PTPN11: variants seen among roughly 807,000 people sequenced by gnomAD.
PTPN11 encodes the protein protein tyrosine phosphatase non-receptor type 11, also known as tyrosine-protein phosphatase non-receptor type 11.
PTPN11 carries 6 observed loss-of-function variants against 78.8 expected under a neutral mutation model. The ratio of observed to expected loss-of-function variants is 0.08; its 90% confidence interval spans 0.04 to 0.15. PTPN11 has a LOEUF of 0.15. Among genes scored for constraint, PTPN11 ranks in the 10% least tolerant of loss-of-function variants. The pLI is 1.00. For synonymous variants in PTPN11, 221 were observed against 263.5 expected, an observed-to-expected ratio of 0.84 and a Z score of 1.56; for missense variants, 386 against 744.8, an observed-to-expected ratio of 0.52 and a Z score of 5.61.
At position 112,497,793 on chromosome 12, in the gene PTPN11, G is replaced by A. The variant is rs7957501; in HGVS notation, c.1600-4351G>A. On this transcript the variant is annotated intron_variant, in intron 13 of 15. Coordinates refer to ENST00000351677, the MANE Select transcript of PTPN11 (RefSeq NM_002834.5). ...GGCCTTGTAGGCCATATTACAGATT[G>A]TAGACTTTATTTGGAGGGACATGGA... Among the ~76,000 whole-genome samples, 402 of 152,252 alleles carry A rather than the reference G, an allele frequency of 2.6e-3. 5 individuals are homozygous for A. The highest frequency in any genetic ancestry group is 9.0e-3 in the African/African-American group (374 of 41,530).
At chr12:112,454,417 G>A (rs1176117122) in intron 4 of PTPN11, 147 bp from the exon 5 acceptor site, 5 of 724,654 alleles carry the variant, frequency 6.9e-6, no homozygotes, top group Middle Eastern at 3.7e-4. Flanking sequence ...ACTGCACCCA[G>A]CCTATTATCT....
chr12:112,489,856 G>A (rs755847046), intron 13 of PTPN11, among the ~76,000 whole-genome samples: 25 of 152,098 alleles, frequency 1.6e-4, no homozygotes, highest in African/African-American at 2.2e-4. Flanking sequence ...TACTCTGCTC[G>A]TTGCCTTCCA....
chr12:112,457,679 G>A (rs2038184477), intron 6 of PTPN11, among the ~76,000 whole-genome samples: 2 of 152,188 alleles, frequency 1.3e-5, no homozygotes, highest in African/African-American at 4.8e-5. Flanking sequence ...TCCAGCATCT[G>A]TTGTTTCCTG....
intron 6 of PTPN11, among the ~76,000 whole-genome samples, chr12:112,469,857 G>A (rs943597980): frequency 2.6e-5 from 4 of 151,912 alleles, no homozygotes; most frequent in African/African-American, 7.2e-5. Context: ...AGGAGAAAAA[G>A]AGGAGTTCAG....
chr12:112,421,150 C>T (rs1233296177), intron 1 of PTPN11, among the ~76,000 whole-genome samples: 1 of 152,080 alleles, frequency 6.6e-6, no homozygotes, highest in African/African-American at 2.4e-5. Context: ...TATGCACCAC[C>T]CAAAAAGCCG....
intron 7 of PTPN11, among the ~76,000 whole-genome samples, chr12:112,474,339 G>C (rs1384890590): frequency 1.3e-5 from 2 of 152,074 alleles, no homozygotes; most frequent in Non-Finnish European, 2.9e-5. Flanking sequence ...CTCCAGGCTG[G>C]GCGACAGAGT....
intron 2 of PTPN11, 118 bp downstream of exon 2, chr12:112,446,516 G>C (rs1186412694): frequency 1.4e-6 from 2 of 1,467,502 alleles, no homozygotes; most frequent in African/African-American, 1.4e-5. Flanking sequence ...CTGAGCCCTG[G>C]GCTGCCTTCA....
rs1381707337 is a variant in PTPN11 at position 112,502,203 on chromosome 12, G to C, written c.1659G>C (p.Thr553=). 1 of 1,613,840 alleles carries C rather than the reference G, an allele frequency of 6.2e-7. No homozygotes were observed. Among genetic ancestry groups the C allele is most frequent in the African/African-American group, 1.3e-5 (1 of 74,898 alleles). Residue 553 remains threonine, a synonymous_variant, in exon 14 of 16, where the codon ACG becomes ACC. Transcript: ENST00000351677. ...TTAAGTATTCTCTAGCGGACCAGAC[G>C]AGTGGAGATCAGAGCCCTCTCCCGC... ...TNIKYSLADQ[T]SGDQSPLPPC... is the part of the protein sequence containing the mutation.
intron 1 of PTPN11, among the ~76,000 whole-genome samples, chr12:112,431,429 C>A (rs2037710391): frequency 6.6e-6 from 1 of 152,168 alleles, no homozygotes; most frequent in Admixed American, 6.6e-5. Flanking sequence ...GTGTCCTTCA[C>A]CCTCATGGAA....
intron 1 of PTPN11, among the ~76,000 whole-genome samples, chr12:112,440,027 G>A (rs757560662): frequency 1.3e-5 from 2 of 152,076 alleles, no homozygotes; most frequent in Non-Finnish European, 2.9e-5. Flanking sequence ...GAGGCCTAAT[G>A]TAAGAGTTTC....
intron 13 of PTPN11, among the ~76,000 whole-genome samples, chr12:112,499,951 A>G (rs1321534495): frequency 7.0e-5 from 10 of 143,864 alleles, no homozygotes; most frequent in African/African-American, 2.3e-4. Context: ...CTTAAAAAAA[A>G]AAAAAAAAAA....
intron 6 of PTPN11, among the ~76,000 whole-genome samples, chr12:112,466,652 G>A (rs543875150): frequency 6.6e-6 from 1 of 152,124 alleles, no homozygotes; most frequent in Non-Finnish European, 1.5e-5. Context: ...GCCCCCAGCC[G>A]TATCTTTGTC....
intron 13 of PTPN11, among the ~76,000 whole-genome samples, chr12:112,495,879 T>C (rs1233179935): frequency 6.6e-6 from 1 of 152,100 alleles, no homozygotes. Flanking sequence ...TTTTGCACCA[T>C]CATAAAATCA....
chr12:112,482,202 A>G lies in PTPN11; in HGVS notation c.1221A>G (p.Gly407=), dbSNP rs532529560. The G allele has an allele frequency of 9.1e-5, 147 of 1,613,208 alleles. No homozygotes were observed. In the South Asian group the frequency reaches 1.6e-3, roughly 17 times the overall value. The part of the protein sequence containing the change: ...TLRELKLSKV[G]QGNTERTVWQ... ...GAGAACTTAAACTTTCAAAGGTTGG[A>G]CAAGTAAGTATATTGTCGTATTCTA... Residue 407 remains glycine (G), a synonymous_variant, in exon 10 of 16, where the codon GGA becomes GGG. Transcript: ENST00000351677. This position sits in a 1 kb window ranked among gnomAD's most constrained non-coding sequence, Gnocchi z 4.4.
rs752061370 is a variant in PTPN11 at position 112,492,548 on chromosome 12, C to T, written c.1599+3373C>T. Among the ~76,000 whole-genome samples, 127 of 150,396 alleles carry T rather than the reference C, an allele frequency of 8.4e-4. 1 individual carries two copies. The highest frequency in any genetic ancestry group is 1.2e-3 in the Non-Finnish European group (83 of 67,772). On this transcript the variant is annotated intron_variant, in intron 13 of 15. Coordinates refer to ENST00000351677, the MANE Select transcript of PTPN11 (RefSeq NM_002834.5). ...TTTTTTTTTTTTTGAGATGGAGTCTCGCACCGTCTCCCAGGCTGGAGTGCA... is the reference window on the plus strand; with the variant it reads ...TTTTTTTTTTTTTGAGATGGAGTCTTGCACCGTCTCCCAGGCTGGAGTGCA...
In PTPN11 at chr12:112,482,100, T is replaced by G; in HGVS notation, c.1119T>G (p.Asp373Glu). Residue 373 changes from aspartate (D) to glutamate (E), a missense_variant, in exon 10 of 16, where the codon GAT becomes GAG. By Grantham distance (45) the Asp-to-Glu change is conservative. This residue lies in a region of PTPN11 where 279 missense variants were observed against 503.3 expected (regional missense o/e 0.55). Transcript: ENST00000351677. The surrounding 1 kb of genome is among the most constrained non-coding windows in gnomAD (Gnocchi z 4.4). Reference sequence around the variant, plus strand: ...GTAAATGTGTCAAATACTGGCCTGATGAGTATGCTCTAAAAGAATATGGCG... The same window carrying G: ...GTAAATGTGTCAAATACTGGCCTGAGGAGTATGCTCTAAAAGAATATGGCG... Reference protein sequence around the residue: ...GKSKCVKYWPDEYALKEYGVM... With the variant: ...GKSKCVKYWPEEYALKEYGVM... 6.3e-7 allele frequency: 1 copy of G among 1,583,204 alleles called. No homozygotes were observed. Among genetic ancestry groups the G allele is most frequent in the East Asian group, 2.2e-5 (1 of 44,702 alleles).
intron 14 of PTPN11, among the ~76,000 whole-genome samples, chr12:112,502,794 A>G (rs1051122728): frequency 6.6e-6 from 1 of 152,128 alleles, no homozygotes; most frequent in Non-Finnish European, 1.5e-5. Context: ...GCTGACTGCT[A>G]TGCTAGCTAG....
chr12:112,499,496 C>A (rs547407631), intron 13 of PTPN11, among the ~76,000 whole-genome samples: 4 of 151,970 alleles, frequency 2.6e-5, no homozygotes, highest in Non-Finnish European at 5.9e-5. Context: ...TGCACCACCA[C>A]GCCTGGCTAA....
chr12:112,503,975 A>G (rs964579771), intron 14 of PTPN11, among the ~76,000 whole-genome samples: 1 of 152,180 alleles, frequency 6.6e-6, no homozygotes, highest in Non-Finnish European at 1.5e-5. Context: ...AGCTGGGGCT[A>G]AATAGATCTC....
Sources: allele counts gnomAD v4.1 joint callset (sites outside exome capture counted in the v4.1 genomes callset), GRCh38; gene constraint gnomAD v4.1.1; regional missense constraint gnomAD v4.1.1; non-coding constraint Gnocchi (gnomAD v3.1); transcripts MANE v1.5; gene names NCBI Gene and HGNC (gene_info 2026-07-23, HGNC 2026-07-21).